Variants in LZTS1 observed in about 807,000 individuals in gnomAD.
LZTS1 encodes leucine zipper putative tumor suppressor 1.
LZTS1 carries 31 observed loss-of-function variants against 45.8 expected under a neutral mutation model. The ratio of observed to expected loss-of-function variants is 0.68; its 90% CI spans 0.51 to 0.91. The LOEUF (loss-of-function observed/expected upper bound fraction) is 0.91, where lower values mean the gene tolerates loss of function less well. LZTS1 is among the 40% of genes least tolerant of loss of function. The pLI, the probability that LZTS1 is intolerant of heterozygous loss-of-function variation, is 0.00. For missense variants in LZTS1, 821 were observed against 788.9 expected (o/e 1.04, Z -0.49); for synonymous variants, 359 against 357.3 (o/e 1.00, Z -0.05).
In LZTS1 at chr8:20,247,185, G is replaced by A. The variant is rs1433620704; in HGVS notation, c.*2537C>T. 1 of 152,544 alleles carries A rather than the reference G, an allele frequency of 6.6e-6. No homozygotes were observed. The highest frequency in any genetic ancestry group is 1.9e-4 in the East Asian group (1 of 5,196). The allele number at this position is 152,544 out of a possible 1,614,324, so 9.4% of individuals were successfully genotyped here. On this transcript the variant is annotated 3_prime_UTR_variant, in exon 4 of 4. Coordinates refer to ENST00000381569, the MANE Select transcript of LZTS1 (RefSeq NM_021020.5). ...CTGGGCCGGCCTGGGACAGGGCCAT[G>A]GAGATATGGAGAAGGCTGCACTCCT...
At chr8:20,287,480 C>T (rs577583814) in intron 1 of LZTS1, among the ~76,000 whole-genome samples, 9 of 152,240 alleles carry the variant, frequency 5.9e-5, no homozygotes, top group Non-Finnish European at 1.2e-4. Flanking sequence ...TCTTTCCCTT[C>T]CTGGCTCTAC....
At position 20,292,993 on chromosome 8, in the gene LZTS1, ACC is replaced by A. The variant is rs547732034; in HGVS notation, c.-135+10745_-135+10746del. On this transcript the variant is annotated intron_variant, in intron 1 of 3. Coordinates refer to ENST00000381569, the MANE Select transcript of LZTS1 (RefSeq NM_021020.5). ...TGTCCCATTAAATAAATAATCCTGG[ACC>A]CAGCATCTTGACCTTGGATTAGGAA... Among the ~76,000 whole-genome samples the A allele has an allele frequency of 7.6e-3, 1,164 of 152,182 alleles. 16 individuals carry two copies. The highest frequency in any genetic ancestry group is 0.012 in the Non-Finnish European group (790 of 68,000).
chr8:20,280,611 T>C (rs1800670100), intron 1 of LZTS1, among the ~76,000 whole-genome samples: 2 of 152,174 alleles, frequency 1.3e-5, no homozygotes, highest in Non-Finnish European at 2.9e-5. Context: ...TCCCCTTTAA[T>C]AGCTGGGGAG....
chr8:20,285,507 T>C, intron 1 of LZTS1, among the ~76,000 whole-genome samples: 1 of 152,248 alleles, frequency 6.6e-6, no homozygotes, highest in East Asian at 1.9e-4. Flanking sequence ...TGCTTGGGAA[T>C]GAATATAACC....
chr8:20,293,630 G>T (rs751480145), intron 1 of LZTS1, among the ~76,000 whole-genome samples: 15 of 152,194 alleles, frequency 9.9e-5, no homozygotes, highest in Non-Finnish European at 1.9e-4. Context: ...ACTTTCAAAG[G>T]ATGGAGCTGA....
intron 1 of LZTS1, among the ~76,000 whole-genome samples, chr8:20,276,851 C>T (rs1451781958): frequency 6.6e-6 from 1 of 152,188 alleles, no homozygotes; most frequent in African/African-American, 2.4e-5. Context: ...TAGAAGTCTT[C>T]TGGGTTGATT....
At chr8:20,280,403 C>T (rs1251794099) in intron 1 of LZTS1, among the ~76,000 whole-genome samples, 1 of 152,150 alleles carries the variant, frequency 6.6e-6, no homozygotes, top group Non-Finnish European at 1.5e-5. Flanking sequence ...GTCATTCAGA[C>T]CTCTGTGAAA....
chr8:20,285,891 A>G (rs1286051666), intron 1 of LZTS1, among the ~76,000 whole-genome samples: 1 of 152,266 alleles, frequency 6.6e-6, no homozygotes, highest in Non-Finnish European at 1.5e-5. Flanking sequence ...CACTTGATTT[A>G]TGAAAAAGGA....
chr8:20,255,099 G>T lies in LZTS1; in HGVS notation c.83C>A (p.Ser28Tyr). ...CCGGTTGAGCTTCTTGAGGTGGGAG[G>T]ACTTGCGCAGCTTGTACTGCGAAGC... ...CRASQYKLRKSSHLKKLNRYS... is the reference protein window; with the variant it reads ...CRASQYKLRKYSHLKKLNRYS... The change falls in exon 2 of 4, where the codon TCC becomes TAC. Residue 28 changes from serine to tyrosine, a missense_variant. Transcript: ENST00000381569. The T allele has an allele frequency of 6.2e-7, 1 of 1,614,202 alleles. No individual in the cohort carries two copies.
At chr8:20,268,689 G>A (rs539776561) in intron 1 of LZTS1, among the ~76,000 whole-genome samples, 2 of 152,070 alleles carry the variant, frequency 1.3e-5, no homozygotes, top group South Asian at 2.1e-4. Flanking sequence ...AAAAAGAGGC[G>A]AGAGTGGAGG....
Position 20,274,967 on chromosome 8 carries a change from G to GTGTGTGTGTGTGTGTA in LZTS1, c.-134-19653_-134-19652insTACACACACACACACA, listed in dbSNP as rs1382416232. On this transcript the variant is annotated intron_variant, in intron 1 of 3. Transcript: ENST00000381569. ...TAGAGTGGCTGCCATGATACTGTGTGTGTGTGTGTGTGTGTGTCTCAATGG... is the reference window on the plus strand; with the variant it reads ...TAGAGTGGCTGCCATGATACTGTGTGTGTGTGTGTGTGTGTATGTGTGTGTGTGTGTGTCTCAATGG... Among the ~76,000 whole-genome samples, 13 of 151,894 alleles carry GTGTGTGTGTGTGTGTA rather than the reference G, an allele frequency of 8.6e-5. No homozygotes were observed. In the East Asian group the frequency reaches 2.1e-3, roughly 25 times the overall value.
chr8:20,259,115 A>G (rs945274528), intron 1 of LZTS1, among the ~76,000 whole-genome samples: 3 of 152,088 alleles, frequency 2.0e-5, no homozygotes, highest in African/African-American at 7.2e-5. Context: ...TTTGCCATGC[A>G]ATACACATTG....
intron 1 of LZTS1, among the ~76,000 whole-genome samples, chr8:20,280,900 C>T (rs549066704): frequency 6.6e-6 from 1 of 152,288 alleles, no homozygotes; most frequent in East Asian, 1.9e-4. Context: ...TACCTTCTAC[C>T]TCCTCTCTAG....
intron 1 of LZTS1, among the ~76,000 whole-genome samples, chr8:20,301,957 T>G (rs1032764449): frequency 6.6e-6 from 1 of 152,288 alleles, no homozygotes; most frequent in East Asian, 1.9e-4. Context: ...TGCTTGCATA[T>G]AGACACCCAC....
intron 1 of LZTS1, among the ~76,000 whole-genome samples, chr8:20,285,482 T>C (rs1424234623): frequency 6.6e-6 from 1 of 152,194 alleles, no homozygotes; most frequent in Admixed American, 6.5e-5. Context: ...AAACATGTAA[T>C]TTACAAAATG....
At chr8:20,276,110 A>G (rs1800575041) in intron 1 of LZTS1, among the ~76,000 whole-genome samples, 1 of 152,214 alleles carries the variant, frequency 6.6e-6, no homozygotes, top group South Asian at 2.1e-4. Flanking sequence ...GTTATCAAGA[A>G]ATAATATAAT....
At chr8:20,250,995 G>A (rs1051775825) in intron 3 of LZTS1, among the ~76,000 whole-genome samples, 17 of 150,548 alleles carry the variant, frequency 1.1e-4, no homozygotes, top group African/African-American at 2.7e-4. Context: ...CTTACAACCC[G>A]ATGAAGTAGG....
At chr8:20,280,801 T>C (rs1441874258) in intron 1 of LZTS1, among the ~76,000 whole-genome samples, 1 of 152,140 alleles carries the variant, frequency 6.6e-6, no homozygotes, top group Non-Finnish European at 1.5e-5. Context: ...TCCAGCCAGT[T>C]CTGGGAGCTG....
intron 1 of LZTS1, among the ~76,000 whole-genome samples, chr8:20,261,546 C>G (rs1436479422): frequency 6.6e-6 from 1 of 152,242 alleles, no homozygotes; most frequent in Admixed American, 6.5e-5. Context: ...TGCCCCATCC[C>G]CAGCCCCCTT....
Sources: allele counts gnomAD v4.1 joint callset (sites outside exome capture counted in the v4.1 genomes callset), GRCh38; gene constraint gnomAD v4.1.1; transcripts MANE v1.5; gene names NCBI Gene and HGNC (gene_info 2026-07-23, HGNC 2026-07-21).